SPATS2L: variants seen among roughly 807,000 people sequenced by gnomAD.
SPATS2L encodes spermatogenesis associated serine rich 2 like.
In SPATS2L, 30 loss-of-function variants were observed where a neutral mutation model predicts 59.6. The observed-to-expected ratio is 0.50, with a 90% CI of 0.38 to 0.68. The LOEUF is 0.68. Among genes scored for constraint, SPATS2L ranks in the 30% least tolerant of loss-of-function variants. The probability of loss-of-function intolerance (pLI) is 0.00; values close to 1 mark genes in which losing one functional copy is unlikely to be tolerated. For missense variants in SPATS2L, 615 were observed against 700.0 expected (o/e 0.88, Z 1.37); for synonymous variants, 252 against 263.5 (o/e 0.96, Z 0.42).
chr2:200,446,460 C>A (rs551073798), intron 8 of SPATS2L, among the ~76,000 whole-genome samples: 7 of 152,130 alleles, frequency 4.6e-5, no homozygotes, highest in Admixed American at 6.5e-5. Flanking sequence ...ATTTTGCCCC[C>A]AGGAGACCAT....
chr2:200,411,369 A>G (rs1343778991), intron 3 of SPATS2L, among the ~76,000 whole-genome samples: 1 of 152,240 alleles, frequency 6.6e-6, no homozygotes, highest in Non-Finnish European at 1.5e-5. Flanking sequence ...CAATTATACT[A>G]AACTGCATTT....
Position 200,344,042 on chromosome 2 carries a change from T to C in SPATS2L, c.-23+14562T>C, listed in dbSNP as rs1056945067. Among the ~76,000 whole-genome samples the C allele has an allele frequency of 5.5e-4, 84 of 151,898 alleles. 1 individual carries two copies. Among genetic ancestry groups the C allele is most frequent in the Non-Finnish European group, 1.5e-4 (10 of 67,954 alleles). ...CAGAAAATAATCCATAGAGGTTATT[T>C]TTTTTAAAAAAAATTTATTTTTAAA... On this transcript the variant is annotated intron_variant, in intron 2 of 12. Coordinates refer to ENST00000409140, the MANE Select transcript of SPATS2L (RefSeq NM_001100423.2).
chr2:200,383,158 G>A (rs2081879962), intron 2 of SPATS2L, among the ~76,000 whole-genome samples: 1 of 152,170 alleles, frequency 6.6e-6, no homozygotes, highest in Non-Finnish European at 1.5e-5. Flanking sequence ...GTTCCCAGGT[G>A]ATGCTGAGGC....
intron 2 of SPATS2L, among the ~76,000 whole-genome samples, chr2:200,358,188 G>T (rs1450946136): frequency 1.3e-5 from 2 of 152,230 alleles, no homozygotes; most frequent in Non-Finnish European, 2.9e-5. Flanking sequence ...TGAGCTTTAT[G>T]TAATTTTTGG....
At chr2:200,440,212 C>T (rs551645139) in intron 7 of SPATS2L, among the ~76,000 whole-genome samples, 3 of 152,348 alleles carry the variant, frequency 2.0e-5, no homozygotes, top group African/African-American at 7.2e-5. Context: ...GGCATTGATG[C>T]CCCATCCTCT....
chr2:200,468,338 C>T (rs2086744893), intron 10 of SPATS2L, among the ~76,000 whole-genome samples: 1 of 14,256 alleles, frequency 7.0e-5, no homozygotes, highest in South Asian at 2.5e-3. Context: ...ACTTTTTCAC[C>T]CAGTATACTA....
At chr2:200,387,230 G>A (rs1205811923) in intron 2 of SPATS2L, among the ~76,000 whole-genome samples, 2 of 152,150 alleles carry the variant, frequency 1.3e-5, no homozygotes, top group Non-Finnish European at 2.9e-5. Flanking sequence ...TACTTTCAAT[G>A]GCAAAAATCA....
At chr2:200,373,418 A>C (rs2081498899) in intron 2 of SPATS2L, 1 of 152,258 alleles carries the variant, frequency 6.6e-6, no homozygotes, top group South Asian at 2.1e-4. Flanking sequence ...TTGGAACAAA[A>C]AATGAAACCA....
intron 6 of SPATS2L, among the ~76,000 whole-genome samples, chr2:200,428,757 G>A (rs2083733278): frequency 6.6e-6 from 1 of 152,028 alleles, no homozygotes; most frequent in Admixed American, 6.5e-5. Flanking sequence ...CTATCCAATT[G>A]TGCAAACCAG....
chr2:200,332,305 C>T (rs999565986), intron 2 of SPATS2L, among the ~76,000 whole-genome samples: 15 of 151,740 alleles, frequency 9.9e-5, no homozygotes, highest in Admixed American at 7.9e-4. Flanking sequence ...AGTGCAGTGG[C>T]GCCAACACAG....
At chr2:200,337,875 C>T (rs189025132) in intron 2 of SPATS2L, among the ~76,000 whole-genome samples, 7 of 152,314 alleles carry the variant, frequency 4.6e-5, no homozygotes, top group Admixed American at 4.6e-4. Flanking sequence ...GCTTTGTTCA[C>T]CAATATTTCC....
At chr2:200,469,101 G>A (rs1025171304) in intron 10 of SPATS2L, among the ~76,000 whole-genome samples, 1 of 152,182 alleles carries the variant, frequency 6.6e-6, no homozygotes, top group African/African-American at 2.4e-5. Context: ...TCATAATACT[G>A]TGATCAGATG....
chr2:200,360,536 G>A (rs755861617), intron 2 of SPATS2L, among the ~76,000 whole-genome samples: 6 of 152,176 alleles, frequency 3.9e-5, no homozygotes, highest in East Asian at 1.9e-4. Context: ...CCTCTTTGCC[G>A]GCAGGCAGAA....
At chr2:200,352,343 A>AAGC in intron 2 of SPATS2L, among the ~76,000 whole-genome samples, 1 of 17,832 alleles carries the variant, frequency 5.6e-5, no homozygotes, top group Non-Finnish European at 3.9e-4. Context: ...ATATATATAT[A>AAGC]TATATATATA....
chr2:200,348,336 C>T (rs1034840349), intron 2 of SPATS2L, among the ~76,000 whole-genome samples: 3 of 152,264 alleles, frequency 2.0e-5, no homozygotes, highest in East Asian at 1.9e-4. Context: ...TGGTAAACAA[C>T]GAGACAGATG....
At chr2:200,330,830 A>G (rs2079917009) in intron 2 of SPATS2L, among the ~76,000 whole-genome samples, 1 of 152,220 alleles carries the variant, frequency 6.6e-6, no homozygotes, top group Non-Finnish European at 1.5e-5. Context: ...AGAGGTGGAA[A>G]GCAGGAATGT....
At chr2:200,357,846 CAA>C (rs1219808621) in intron 2 of SPATS2L, among the ~76,000 whole-genome samples, 2 of 152,144 alleles carry the variant, frequency 1.3e-5, no homozygotes, top group African/African-American at 2.4e-5. Flanking sequence ...ATACATGTCT[CAA>C]AGTGCATTGG....
intron 3 of SPATS2L, among the ~76,000 whole-genome samples, chr2:200,404,954 A>G (rs1228124171): frequency 6.6e-6 from 1 of 152,110 alleles, no homozygotes; most frequent in African/African-American, 2.4e-5. Context: ...GACCCTTGTG[A>G]TTATACTGGA....
chr2:200,477,167 T>G (rs1189486678), intron 12 of SPATS2L, among the ~76,000 whole-genome samples: 3 of 152,178 alleles, frequency 2.0e-5, no homozygotes, highest in Non-Finnish European at 2.9e-5. Flanking sequence ...AATGTAAAGT[T>G]CTCACTTTGG....
Sources: allele counts gnomAD v4.1 joint callset (sites outside exome capture counted in the v4.1 genomes callset), GRCh38; gene constraint gnomAD v4.1.1; transcripts MANE v1.5; gene names NCBI Gene and HGNC (gene_info 2026-07-23, HGNC 2026-07-21).